The following PCMTD1 variants were observed in gnomAD, a reference collection of about 807,000 sequenced individuals.
The protein encoded by PCMTD1 is protein-L-isoaspartate (D-aspartate) O-methyltransferase domain containing 1, also known as protein-L-isoaspartate O-methyltransferase domain-containing protein 1.
Under a neutral mutation model 37.6 loss-of-function variants are expected in PCMTD1, and 12 were observed. The ratio of observed to expected loss-of-function variants is 0.32; its 90% confidence interval spans 0.20 to 0.52. The LOEUF (loss-of-function observed/expected upper bound fraction) is 0.52. Ranked by LOEUF, PCMTD1 falls within the 20% of genes least tolerant of loss-of-function variation. The pLI is 0.97. For synonymous variants in PCMTD1, 117 were observed against 135.8 expected, an observed-to-expected ratio of 0.86 and a Z score of 0.96; for missense variants, 235 against 421.3, an observed-to-expected ratio of 0.56 and a Z score of 3.87.
rs1029542250 is a variant in PCMTD1 at position 51,845,678 on chromosome 8, A to G, written c.393T>C (p.Asn131=). 1.2e-6 allele frequency: 2 copies of G among 1,611,744 alleles called. No homozygotes were observed. Among genetic ancestry groups the G allele is most frequent in the African/African-American group, 2.7e-5 (2 of 74,868 alleles). ...AKEKLESFIK[N]SDSFDKFEFC... ...ATACTTACTTATCAAAGCTATCACT[A>G]TTTTTGATGAAGCTCTCCAGTTTTT... Residue 131 remains asparagine (N), a synonymous_variant, in exon 3 of 6, where the codon AAT becomes AAC. Transcript: ENST00000522514.
At chr8:51,879,535 G>A (rs539682626) in intron 1 of PCMTD1, among the ~76,000 whole-genome samples, 1 of 152,264 alleles carries the variant, frequency 6.6e-6, no homozygotes, top group South Asian at 2.1e-4. Context: ...AAGATTAATA[G>A]GAAAATGAAA....
chr8:51,893,191 T>G (rs977263019), intron 1 of PCMTD1, among the ~76,000 whole-genome samples: 4 of 152,170 alleles, frequency 2.6e-5, no homozygotes, highest in Non-Finnish European at 5.9e-5. Context: ...CACCAAGATA[T>G]CCTACATTCA....
intron 2 of PCMTD1, among the ~76,000 whole-genome samples, chr8:51,846,187 C>G (rs1371401222): frequency 6.6e-6 from 1 of 152,180 alleles, no homozygotes; most frequent in Non-Finnish European, 1.5e-5. Context: ...TGTCTCAGGG[C>G]ATCGCTACCC....
At chr8:51,873,891 G>T (rs1271842357) in intron 1 of PCMTD1, among the ~76,000 whole-genome samples, 2 of 151,402 alleles carry the variant, frequency 1.3e-5, no homozygotes, top group Non-Finnish European at 2.9e-5. Flanking sequence ...CCAGGCTCAG[G>T]TATTTCTTTT....
chr8:51,864,406 C>T (rs1330518286), intron 1 of PCMTD1, among the ~76,000 whole-genome samples: 1 of 152,130 alleles, frequency 6.6e-6, no homozygotes, highest in Non-Finnish European at 1.5e-5. Context: ...ACCTAAAAGA[C>T]ATATAGAACA....
intron 1 of PCMTD1, among the ~76,000 whole-genome samples, chr8:51,890,292 A>C (rs898020622): frequency 2.6e-5 from 4 of 152,234 alleles, no homozygotes; most frequent in African/African-American, 4.8e-5. Flanking sequence ...TGGGATTTAC[A>C]ATGCCTGGTA....
At chr8:51,868,607 T>G (rs1301396901) in intron 1 of PCMTD1, among the ~76,000 whole-genome samples, 4 of 152,140 alleles carry the variant, frequency 2.6e-5, no homozygotes, top group Non-Finnish European at 5.9e-5. Context: ...TAAAGCCATA[T>G]GGAAAATTTC....
intron 2 of PCMTD1, among the ~76,000 whole-genome samples, chr8:51,859,087 C>T (rs1386465027): frequency 6.6e-6 from 1 of 152,098 alleles, no homozygotes; most frequent in Non-Finnish European, 1.5e-5. Flanking sequence ...CTAGATTGAC[C>T]TCCCTCAGCA....
chr8:51,894,109 G>A (rs1270373546), intron 1 of PCMTD1, among the ~76,000 whole-genome samples: 1 of 152,134 alleles, frequency 6.6e-6, no homozygotes, highest in East Asian at 1.9e-4. Context: ...GGGCTCTAGG[G>A]AAATACGGTG....
intron 3 of PCMTD1, among the ~76,000 whole-genome samples, chr8:51,843,315 A>G (rs13249264): frequency 1.3e-5 from 2 of 152,240 alleles, no homozygotes; most frequent in South Asian, 4.1e-4. Context: ...ATGTTTTAGT[A>G]CACTGAAAAG....
chr8:51,839,770 G>C (rs571323384), intron 3 of PCMTD1: 5 of 300,790 alleles, frequency 1.7e-5, no homozygotes, highest in Non-Finnish European at 2.0e-5. Context: ...GTGGAATAGA[G>C]AAATTTCAAG....
At chr8:51,848,104 AAG>A (rs1288604589) in intron 2 of PCMTD1, among the ~76,000 whole-genome samples, 1 of 152,164 alleles carries the variant, frequency 6.6e-6, no homozygotes. Context: ...TAAAAGAAGA[AAG>A]AAAGAAAAAA....
intron 1 of PCMTD1, among the ~76,000 whole-genome samples, chr8:51,889,503 G>A (rs2038908446): frequency 6.6e-6 from 1 of 152,136 alleles, no homozygotes; most frequent in African/African-American, 2.4e-5. Context: ...AGATCTATCT[G>A]ACACCAAACC....
intron 1 of PCMTD1, among the ~76,000 whole-genome samples, chr8:51,868,175 G>A (rs2038586949): frequency 6.6e-6 from 1 of 152,014 alleles, no homozygotes; most frequent in African/African-American, 2.4e-5. Flanking sequence ...TACTTGGTGT[G>A]GGGGGGTGTG....
chr8:51,828,034 A>G (rs2037946431), intron 5 of PCMTD1, among the ~76,000 whole-genome samples: 1 of 152,224 alleles, frequency 6.6e-6, no homozygotes, highest in Admixed American at 6.5e-5. Flanking sequence ...TATAACCAAA[A>G]TGCTTCTAAA....
chr8:51,840,985 T>C (rs1450525870), intron 3 of PCMTD1, among the ~76,000 whole-genome samples: 1 of 152,170 alleles, frequency 6.6e-6, no homozygotes, highest in East Asian at 1.9e-4. Flanking sequence ...TCCTTCAACT[T>C]TCCTATCTAG....
At chr8:51,890,629 C>T (rs572406630) in intron 1 of PCMTD1, among the ~76,000 whole-genome samples, 152 of 152,282 alleles carry the variant, frequency 1.0e-3, no homozygotes, top group Non-Finnish European at 2.0e-3. Context: ...ATAATCAGAA[C>T]AAAACCTCTG....
chr8:51,893,774 T>C (rs2038965728), intron 1 of PCMTD1, among the ~76,000 whole-genome samples: 1 of 152,212 alleles, frequency 6.6e-6, no homozygotes, highest in Admixed American at 6.5e-5. Flanking sequence ...AGTTCTGTTG[T>C]GGACACACAC....
At chr8:51,823,872 G>A (rs913159393) in intron 5 of PCMTD1, among the ~76,000 whole-genome samples, 6 of 152,140 alleles carry the variant, frequency 3.9e-5, no homozygotes, top group Non-Finnish European at 8.8e-5. Flanking sequence ...TCATCCCTGG[G>A]ATGCAAGGAT....
Sources: gnomAD v4.1 joint callset for allele counts (sites outside exome capture counted in the v4.1 genomes callset) on GRCh38, gnomAD v4.1.1 for gene constraint, MANE v1.5 for transcripts, NCBI Gene and HGNC (gene_info 2026-07-23, HGNC 2026-07-21) for gene names.